LRRC42: variants seen among roughly 807,000 people sequenced by gnomAD.
LRRC42 encodes the protein leucine-rich repeat-containing protein 42.
In LRRC42, 43 loss-of-function variants were observed where a neutral mutation model predicts 44.3. The ratio of observed to expected loss-of-function variants is 0.97; its 90% CI spans 0.76 to 1.25. LRRC42 has a LOEUF of 1.25. Among genes scored for constraint, LRRC42 ranks in the 50% most tolerant of loss-of-function variants. The pLI is 0.00. For missense variants in LRRC42, 540 were observed against 509.1 expected, an observed-to-expected ratio of 1.06 and a Z score of -0.58; for synonymous variants, 207 against 195.2, an observed-to-expected ratio of 1.06 and a Z score of -0.50.
At chr1:53,951,926 A>C (rs1654695698) in intron 2 of LRRC42, 60 bp from the exon 3 acceptor site, 1 of 1,309,868 alleles carries the variant, frequency 7.6e-7, no homozygotes, top group Non-Finnish European at 1.1e-6. Flanking sequence ...AGCAAGATGA[A>C]GTTACATGTT....
In LRRC42 at chr1:53,952,209, TC is replaced by T; in HGVS notation, c.211del (p.His71IlefsTer65). The T allele has an allele frequency of 6.2e-7, 1 of 1,614,244 alleles. No individual in the cohort carries two copies. On this transcript the variant is annotated frameshift_variant, in exon 3 of 9. Coordinates refer to ENST00000371370, the MANE Select transcript of LRRC42 (RefSeq NM_001256409.2). LOFTEE classifies it high-confidence loss of function. ...ACACTGCACGGAAAGAGAAGACTGATCATTTCATCTTCACATACACCCGAGA... is the reference window on the plus strand; with the variant it reads ...ACACTGCACGGAAAGAGAAGACTGATATTTCATCTTCACATACACCCGAGA... ...DDTARKEKTD[H>X]FIFTYTREGN...
At position 53,952,158 on chromosome 1, in the gene LRRC42, G is replaced by A. The variant is rs12026856; in HGVS notation, c.159G>A (p.Val53=). ...GACTGTTCCCCAAAGGCTTTTCTGT[G>A]GAGCTTTGCATGAACAGGGAAGACG... ...PFRLFPKGFS[V]ELCMNREDDT... Residue 53 remains valine, a synonymous_variant, in exon 3 of 9, where the codon GTG becomes GTA. Transcript: ENST00000371370. The A allele has an allele frequency of 6.2e-7, 1 of 1,614,196 alleles. No individual in the cohort carries two copies. The highest frequency in any genetic ancestry group is 8.5e-7 in the Non-Finnish European group (1 of 1,180,042).
chr1:53,960,533 A>G, intron 5 of LRRC42, 59 bp downstream of exon 5: 1 of 1,216,932 alleles, frequency 8.2e-7, no homozygotes, highest in Non-Finnish European at 1.2e-6. Context: ...CTTAGAGATC[A>G]TGTAGTTCTT....
rs552198040 is a variant in LRRC42 at position 53,968,074 on chromosome 1, G to GTGGGAGGGGAATGCTATGGAAGTA, written c.*138_*161dup. The GTGGGAGGGGAATGCTATGGAAGTA allele has an allele frequency of 4.4e-3, 3,805 of 872,752 alleles. 18 individuals carry two copies. Among genetic ancestry groups the GTGGGAGGGGAATGCTATGGAAGTA allele is most frequent in the Middle Eastern group, 0.02 (90 of 4,398 alleles). 54.1% of individuals were successfully genotyped at this position (872,752 alleles called of 1,614,324 possible). ...AAGCAGATATTTCTACTTTTGTGGT[G>GTGGGAGGGGAATGCTATGGAAGTA]TGGGAGGGGAATGCTATGGAAGTAT... On this transcript the variant is annotated 3_prime_UTR_variant, in exon 9 of 9. Transcript: ENST00000371370.
chr1:53,967,859 C>G lies in LRRC42; in HGVS notation c.1207C>G (p.Gln403Glu), dbSNP rs369316187. ...ACCTTTTGAGGAGTCAGAGACAGAA[C>G]AGAATAACTCTTCACAACCTTCAAA... The part of the protein sequence containing the change: ...KRPFEESETE[Q>E]NNSSQPSKQK... The change falls in exon 9 of 9, where the codon CAG becomes GAG. Residue 403 changes from glutamine (Q) to glutamate (E), a missense_variant. By Grantham distance (29) the Gln-to-Glu change is conservative. Coordinates refer to ENST00000371370, the MANE Select transcript of LRRC42 (RefSeq NM_001256409.2). The G allele has an allele frequency of 3.1e-6, 5 of 1,614,070 alleles. No individual in the cohort carries two copies. The African/African-American group carries it at 6.7e-5, about 22-fold the overall frequency.
chr1:53,967,656 C>T lies in LRRC42; in HGVS notation c.1013-9C>T, dbSNP rs1655162651. 1.1e-5 allele frequency: 17 copies of T among 1,612,960 alleles called. No homozygotes were observed. Among genetic ancestry groups the T allele is most frequent in the Non-Finnish European group, 1.3e-5 (15 of 1,179,236 alleles). On this transcript the variant is annotated splice_polypyrimidine_tract_variant and intron_variant, in intron 8 of 8. Transcript: ENST00000371370. The stretch of plus-strand genomic sequence containing the variant: ...GTAGTGAACTCATCATCCCTCCCTT[C>T]TGTCACAGATGGGAAGCGGTCTCGA...
chr1:53,957,905 C>CATTTATTTATTTATTT lies in LRRC42; in HGVS notation c.474-232_474-217dup, dbSNP rs201223513. Among the ~76,000 whole-genome samples, 767 of 152,112 alleles carry CATTTATTTATTTATTT rather than the reference C, an allele frequency of 5.0e-3. 5 individuals carry two copies. Among genetic ancestry groups the CATTTATTTATTTATTT allele is most frequent in the African/African-American group, 0.018 (731 of 41,462 alleles). On this transcript the variant is annotated intron_variant, in intron 3 of 8. Transcript: ENST00000371370. ...CTTGTGACTTTCCTTTGCTAATATA[C>CATTTATTTATTTATTT]ATTTATTTATTTATTTATTTATTTA...
intron 8 of LRRC42, 97 bp from the exon 9 acceptor site, chr1:53,967,568 T>C: frequency 8.5e-7 from 1 of 1,174,744 alleles, no homozygotes; most frequent in South Asian, 1.4e-5. Flanking sequence ...TATCACCCTG[T>C]TTGGGCCTTT....
rs1173256197 is a variant in LRRC42 at position 53,967,949 on chromosome 1, A to C, written c.*10A>C. On this transcript the variant is annotated 3_prime_UTR_variant, in exon 9 of 9. Transcript: ENST00000371370. ...GTTAAATTCCTATTGATTAGTAGAT[A>C]CAAGTTGACCTTTCTCTGGCCCCCA... The C allele has an allele frequency of 6.2e-7, 1 of 1,606,508 alleles. No individual in the cohort carries two copies. Among genetic ancestry groups the C allele is most frequent in the South Asian group, 1.1e-5 (1 of 90,692 alleles).
At position 53,962,092 on chromosome 1, in the gene LRRC42, C is replaced by T. The variant is rs773166795; in HGVS notation, c.783C>T (p.Asn261=). ...IGYLFSFRKL[N]CLDISGTGLK... ...ACCTCTTTTCTTTTAGGAAACTAAA[C>T]TGCTTAGATATCTCTGGGACAGGGC... Residue 261 remains asparagine, a synonymous_variant, in exon 6 of 9, where the codon AAC becomes AAT. Transcript: ENST00000371370. 3 of 1,613,916 alleles carry T rather than the reference C, an allele frequency of 1.9e-6. No individual in the cohort carries two copies. The highest frequency in any genetic ancestry group is 2.5e-6 in the Non-Finnish European group (3 of 1,179,844).
rs556653890 is a variant in LRRC42, at chr1:53,968,077, G to A, written c.*138G>A. On this transcript the variant is annotated 3_prime_UTR_variant, in exon 9 of 9. Transcript: ENST00000371370. ...CAGATATTTCTACTTTTGTGGTGTGGGAGGGGAATGCTATGGAAGTATGTA... is the reference window on the plus strand; with the variant it reads ...CAGATATTTCTACTTTTGTGGTGTGAGAGGGGAATGCTATGGAAGTATGTA... The A allele has an allele frequency of 5.3e-4, 440 of 828,152 alleles. 1 individual carries two copies. The highest frequency in any genetic ancestry group is 4.7e-3 in the South Asian group (259 of 55,502). 51.3% of individuals were successfully genotyped at this position (828,152 alleles called of 1,614,324 possible).
chr1:53,966,491 A>C (rs1655132047), intron 8 of LRRC42, 111 bp downstream of exon 8: 2 of 711,418 alleles, frequency 2.8e-6, no homozygotes, highest in African/African-American at 3.6e-5. Flanking sequence ...TGGCTTATTT[A>C]TGATCACCAA....
chr1:53,950,503 A>T (rs573164019), intron 2 of LRRC42, among the ~76,000 whole-genome samples: 6 of 152,206 alleles, frequency 3.9e-5, no homozygotes, highest in Non-Finnish European at 7.3e-5. Context: ...TCACGGACCT[A>T]ATTGTGTGCT....
chr1:53,951,872 C>T, intron 2 of LRRC42, 114 bp from the exon 3 acceptor site: 1 of 869,356 alleles, frequency 1.2e-6, no homozygotes, highest in East Asian at 2.7e-5. Flanking sequence ...TTTTCCTAAA[C>T]CAGCCACCAG....
At chr1:53,959,356 G>C (rs1160578086) in intron 4 of LRRC42, among the ~76,000 whole-genome samples, 1 of 152,206 alleles carries the variant, frequency 6.6e-6, no homozygotes, top group African/African-American at 2.4e-5. Context: ...ACTGATCTCA[G>C]GTTATTCTGG....
At position 53,952,028 on chromosome 1, in the gene LRRC42, A is replaced by T. The variant is rs759527148; in HGVS notation, c.29A>T (p.His10Leu). Residue 10 changes from histidine (H) to leucine (L), a missense_variant, in exon 3 of 9, where the codon CAC becomes CTC. His to Leu is a moderately conservative substitution (Grantham distance 99, BLOSUM62 -3). Transcript: ENST00000371370. The part of the protein sequence containing the change: MSYYLSSEN[H>L]LDPGPIYMRE... ...TCTTACTACCTCAGCTCAGAAAACC[A>T]CCTGGACCCAGGGCCCATCTACATG... 6.2e-7 allele frequency: 1 copy of T among 1,613,998 alleles called. No individual in the cohort carries two copies. Among genetic ancestry groups the T allele is most frequent in the South Asian group, 1.1e-5 (1 of 91,068 alleles).
At position 53,958,247 on chromosome 1, in the gene LRRC42, T is replaced by C; in HGVS notation, c.572T>C (p.Leu191Pro). ...TGCAAGCTTGGAGATGAGCATGAACTTCTAGAACATCTCACCAATGAAGCC... is the reference window on the plus strand; with the variant it reads ...TGCAAGCTTGGAGATGAGCATGAACCTCTAGAACATCTCACCAATGAAGCC... ...SCCKLGDEHE[L>P]LEHLTNEALS... The change falls in exon 4 of 9, where the codon CTT (leucine) becomes CCT (proline). Residue 191 changes from leucine to proline, a missense_variant. Transcript: ENST00000371370. 6.2e-7 allele frequency: 1 copy of C among 1,613,850 alleles called. No homozygotes were observed. Among genetic ancestry groups the C allele is most frequent in the Non-Finnish European group, 8.5e-7 (1 of 1,179,790 alleles).
At chr1:53,964,374 G>A (rs1655072850) in intron 7 of LRRC42, among the ~76,000 whole-genome samples, 1 of 152,022 alleles carries the variant, frequency 6.6e-6, no homozygotes, top group Admixed American at 6.6e-5. Flanking sequence ...CTGTCCTTGC[G>A]AGGATGACTC....
intron 4 of LRRC42, among the ~76,000 whole-genome samples, chr1:53,958,861 C>T (rs1052009968): frequency 1.3e-5 from 2 of 151,852 alleles, no homozygotes; most frequent in African/African-American, 4.8e-5. Context: ...GCTGGGATTA[C>T]AGGCGTCAGC....
Sources: allele counts gnomAD v4.1 joint callset (sites outside exome capture counted in the v4.1 genomes callset), GRCh38; gene constraint gnomAD v4.1.1; transcripts MANE v1.5; gene names NCBI Gene and HGNC (gene_info 2026-07-23, HGNC 2026-07-21).